Variants in MTA1 observed in about 807,000 individuals in gnomAD.
MTA1 encodes metastasis associated 1, also known as metastasis-associated protein MTA1.
In MTA1, 15 loss-of-function variants were observed where a neutral mutation model predicts 97.0. The ratio of observed to expected loss-of-function variants is 0.15; its 90% CI spans 0.10 to 0.24. The LOEUF (loss-of-function observed/expected upper bound fraction) is 0.24, where lower values mean the gene tolerates loss of function less well. Among genes scored for constraint, MTA1 ranks in the 10% least tolerant of loss-of-function variants. MTA1 has a pLI of 1.00. For missense variants in MTA1, 709 were observed against 1,015.1 expected (o/e 0.70, Z 4.10); for synonymous variants, 435 against 417.5 (o/e 1.04, Z -0.51).
chr14:105,425,229 G>C (rs782633826), intron 1 of MTA1, among the ~76,000 whole-genome samples: 1 of 152,218 alleles, frequency 6.6e-6, no homozygotes, highest in Non-Finnish European at 1.5e-5. Context: ...AGACCTGGTT[G>C]GGGGGCAGCT....
chr14:105,466,606 TGGCCCTCCCCGCCCGGTGAGTCC>T (rs1555432933), intron 17 of MTA1, 28 bp downstream of exon 17: 2 of 1,565,162 alleles, frequency 1.3e-6, no homozygotes, highest in South Asian at 1.2e-5. Flanking sequence ...CCGGTGAGTG[TGGCCCTCCCCGCCCGGTGAGTCC>T]GGCCCGTCCC....
At chr14:105,450,856 C>A (rs1331437047) in intron 6 of MTA1, among the ~76,000 whole-genome samples, 1 of 152,240 alleles carries the variant, frequency 6.6e-6, no homozygotes, top group Non-Finnish European at 1.5e-5. Context: ...CCCTGGGGAG[C>A]AGTGTCGCCT....
chr14:105,456,838 G>A (rs1413863295), intron 7 of MTA1, among the ~76,000 whole-genome samples: 1 of 152,224 alleles, frequency 6.6e-6, no homozygotes, highest in Non-Finnish European at 1.5e-5. Flanking sequence ...AGCCCGCCTT[G>A]CTGGTTCACA....
chr14:105,428,155 C>G (rs1187571956), intron 1 of MTA1, among the ~76,000 whole-genome samples: 4 of 152,096 alleles, frequency 2.6e-5, no homozygotes, highest in Admixed American at 2.6e-4. Flanking sequence ...ACATGCTTCT[C>G]TTGTGACCTT....
chr14:105,454,269 G>A lies in MTA1; in HGVS notation c.509G>A (p.Gly170Glu), dbSNP rs2083057622. Residue 170 changes from glycine to glutamate, a missense_variant, in exon 7 of 21, where the codon GGA becomes GAA. Gly to Glu is a moderately conservative substitution (Grantham distance 98). Coordinates refer to ENST00000331320, the MANE Select transcript of MTA1 (RefSeq NM_004689.4). Reference protein sequence around the residue: ...LLADKGEIRVGNRYQADITDL... With the variant: ...LLADKGEIRVENRYQADITDL... ...GCAGATAAAGGAGAGATTCGAGTAG[G>A]AAACCGGTACCAGGCAGACATCACC... 1 of 1,613,600 alleles carries A rather than the reference G, an allele frequency of 6.2e-7. No individual in the cohort carries two copies. Among genetic ancestry groups the A allele is most frequent in the Non-Finnish European group, 8.5e-7 (1 of 1,179,752 alleles).
intron 18 of MTA1, chr14:105,469,119 G>T (rs1337553433): frequency 7.6e-6 from 4 of 524,304 alleles, no homozygotes; most frequent in Non-Finnish European, 1.1e-5. Flanking sequence ...GCCGCTGCTG[G>T]ACTGACAGCC....
chr14:105,436,200 C>T (rs1049096868), intron 1 of MTA1, among the ~76,000 whole-genome samples: 7 of 152,130 alleles, frequency 4.6e-5, no homozygotes, highest in Admixed American at 2.6e-4. Context: ...ACCCGGGAGG[C>T]GGAGGTTGCA....
At position 105,460,354 on chromosome 14, in the gene MTA1, C is replaced by G; in HGVS notation, c.654-4C>G. The G allele has an allele frequency of 3.1e-6, 5 of 1,607,178 alleles. No individual in the cohort carries two copies. Among genetic ancestry groups the G allele is most frequent in the Non-Finnish European group, 4.2e-6 (5 of 1,176,906 alleles). On this transcript the variant is annotated splice_region_variant and splice_polypyrimidine_tract_variant and intron_variant, in intron 8 of 20. Coordinates refer to ENST00000331320, the MANE Select transcript of MTA1 (RefSeq NM_004689.4). Reference sequence around the variant, plus strand: ...ACTGTGGTCAGCGCATCTCCTTTCCCCAGCTCTGTGGGCACCTTCGCACGG... The same window carrying G: ...ACTGTGGTCAGCGCATCTCCTTTCCGCAGCTCTGTGGGCACCTTCGCACGG...
At chr14:105,449,186 G>C in intron 3 of MTA1, 173 bp from the exon 4 acceptor site, 1 of 574,174 alleles carries the variant, frequency 1.7e-6, no homozygotes, top group Admixed American at 3.3e-5. Context: ...GTGGGGGGAC[G>C]TCGAGGCCCA....
At position 105,466,310 on chromosome 14, in the gene MTA1, C is replaced by T. The variant is rs781989187; in HGVS notation, c.1625-116C>T. 92 of 930,358 alleles carry T rather than the reference C, an allele frequency of 9.9e-5. 1 individual carries two copies. In the South Asian group the frequency reaches 1.2e-3, roughly 12 times the overall value. The allele number at this position is 930,358 out of a possible 1,614,324, so 57.6% of individuals were successfully genotyped here. A position where few individuals can be genotyped will look rare whatever the true frequency, so the allele number is the denominator to read the frequency against. ...TCAGGATGGGGCCTCGGGTGGGGGC[C>T]GCATGGGGCTTAGTTCCTGGGGGTA... On this transcript the variant is annotated intron_variant, in intron 16 of 20. Coordinates refer to ENST00000331320, the MANE Select transcript of MTA1 (RefSeq NM_004689.4).
Position 105,460,240 on chromosome 14 carries a change from G to A in MTA1, c.654-118G>A, listed in dbSNP as rs2083299606. 4.8e-6 allele frequency: 4 copies of A among 825,210 alleles called. No homozygotes were observed. In the South Asian group the frequency reaches 5.6e-5, roughly 11 times the overall value. The allele number at this position is 825,210 out of a possible 1,614,324, so 51.1% of individuals were successfully genotyped here. ...TGGTCCCTGGCACCTGGGGAGTGGT[G>A]TGCCTTGGGGGAGTCCGTGCTGCCC... On this transcript the variant is annotated intron_variant, in intron 8 of 20. Transcript: ENST00000331320.
At chr14:105,466,357 A>G in intron 16 of MTA1, 69 bp from the exon 17 acceptor site, 1 of 1,401,960 alleles carries the variant, frequency 7.1e-7, no homozygotes, top group South Asian at 1.2e-5. Context: ...TGAGGGCTGG[A>G]GCCTGGGCCT....
intron 16 of MTA1, 188 bp from the exon 17 acceptor site, chr14:105,466,238 G>C (rs2083577096): frequency 6.6e-6 from 4 of 608,012 alleles, no homozygotes; most frequent in Non-Finnish European, 8.7e-6. Flanking sequence ...CTTGCCGAGG[G>C]CTTCTGGGCT....
At chr14:105,455,145 A>G (rs1244680219) in intron 7 of MTA1, among the ~76,000 whole-genome samples, 4 of 152,124 alleles carry the variant, frequency 2.6e-5, no homozygotes, top group African/African-American at 7.2e-5. Context: ...AACTCAAGTG[A>G]TCTACCTGCT....
intron 15 of MTA1, 114 bp downstream of exon 15, chr14:105,464,977 C>T (rs1214075058): frequency 2.5e-5 from 35 of 1,416,372 alleles, no homozygotes; most frequent in Middle Eastern, 2.6e-4. Flanking sequence ...GGGAGCCCCA[C>T]GTCCTCCTCG....
At chr14:105,421,997 G>A (rs2081853050) in intron 1 of MTA1, among the ~76,000 whole-genome samples, 1 of 152,226 alleles carries the variant, frequency 6.6e-6, no homozygotes. Context: ...CTCTTTTCCT[G>A]TGATGAGGAG....
intron 6 of MTA1, among the ~76,000 whole-genome samples, chr14:105,453,529 G>A (rs1371805203): frequency 6.6e-6 from 1 of 152,080 alleles, no homozygotes; most frequent in African/African-American, 2.4e-5. Context: ...AAATAAGTCT[G>A]CTGGGCGCAG....
In MTA1 at chr14:105,454,067, G is replaced by A. The variant is rs887802995; in HGVS notation, c.433-126G>A. On this transcript the variant is annotated intron_variant, in intron 6 of 20. Coordinates refer to ENST00000331320, the MANE Select transcript of MTA1 (RefSeq NM_004689.4). ...CTCCTGCGCCCTCCCTCCCTCCTGC[G>A]CCCATGTCGCCCCACAAGAGCTCTG... 19 of 660,350 alleles carry A rather than the reference G, an allele frequency of 2.9e-5. No homozygotes were observed. In the East Asian group the frequency reaches 3.1e-4, roughly 11 times the overall value. 40.9% of individuals were successfully genotyped at this position (660,350 alleles called of 1,614,324 possible).
At position 105,460,415 on chromosome 14, in the gene MTA1, C is replaced by T. The variant is rs782094611; in HGVS notation, c.711C>T (p.Ser237=). 6.2e-6 allele frequency: 10 copies of T among 1,611,658 alleles called. No individual in the cohort carries two copies. Among genetic ancestry groups the T allele is most frequent in the South Asian group, 1.1e-5 (1 of 90,978 alleles). ...GCAGCAGCTCCGTCCGACAGCCCAG[C>T]CTGCACATGAGCGCCGCAGCTGCCT... ...LDCSSSVRQP[S]LHMSAAAASR... Residue 237 remains serine, a synonymous_variant, in exon 9 of 21, where the codon AGC becomes AGT. Coordinates refer to ENST00000331320, the MANE Select transcript of MTA1 (RefSeq NM_004689.4).
Sources: gnomAD v4.1 joint callset for allele counts (sites outside exome capture counted in the v4.1 genomes callset) on GRCh38, gnomAD v4.1.1 for gene constraint, MANE v1.5 for transcripts, NCBI Gene and HGNC (gene_info 2026-07-23, HGNC 2026-07-21) for gene names.